The following DOK6 variants were observed in gnomAD, a reference collection of about 807,000 sequenced individuals.
DOK6 encodes docking protein 6, also known as downstream of tyrosine kinase 6.
Under a neutral mutation model 44.0 loss-of-function variants are expected in DOK6, and 22 were observed. That is an observed-to-expected ratio of 0.50 (90% CI 0.36 to 0.71). The LOEUF is 0.71. Among genes scored for constraint, DOK6 ranks in the 30% least tolerant of loss-of-function variants. The pLI, the probability that DOK6 is intolerant of heterozygous loss-of-function variation, is 0.00. For synonymous variants in DOK6, 166 were observed against 145.5 expected, an observed-to-expected ratio of 1.14 and a Z score of -1.01; for missense variants, 340 against 416.4, an observed-to-expected ratio of 0.82 and a Z score of 1.60.
At chr18:69,827,270 A>T (rs372859677) in intron 7 of DOK6, among the ~76,000 whole-genome samples, 14 of 152,086 alleles carry the variant, frequency 9.2e-5, no homozygotes, top group East Asian at 7.7e-4. Context: ...TCCCAATCTC[A>T]TCTGCTACTA....
intron 6 of DOK6, among the ~76,000 whole-genome samples, chr18:69,743,258 G>C (rs1330348121): frequency 6.6e-6 from 1 of 152,192 alleles, no homozygotes; most frequent in Non-Finnish European, 1.5e-5. Flanking sequence ...AACACGATAT[G>C]TTCATCTCTA....
Position 69,791,306 on chromosome 18 carries a change from T to C in DOK6, c.856+33433T>C, listed in dbSNP as rs1390190833. On this transcript the variant is annotated intron_variant, in intron 7 of 7. Transcript: ENST00000382713. ...GCTGGATCATGTGGTAGCTCTACTT[T>C]TGGTTCTTTGAGGAACCTCCAAACT... Among the ~76,000 whole-genome samples, 3 of 152,196 alleles carry C rather than the reference T, an allele frequency of 2.0e-5. No individual in the cohort carries two copies. In the East Asian group the frequency reaches 5.8e-4, roughly 29 times the overall value.
At chr18:69,493,997 C>T (rs890072552) in intron 1 of DOK6, among the ~76,000 whole-genome samples, 1 of 152,306 alleles carries the variant, frequency 6.6e-6, no homozygotes, top group Admixed American at 6.5e-5. Context: ...AGGAGAGTAA[C>T]CTGGGGTCTG....
chr18:69,775,975 A>C (rs1236019762), intron 7 of DOK6, among the ~76,000 whole-genome samples: 1 of 151,986 alleles, frequency 6.6e-6, no homozygotes, highest in Non-Finnish European at 1.5e-5. Flanking sequence ...AAGTTTGTAC[A>C]CACACAAAAA....
intron 1 of DOK6, among the ~76,000 whole-genome samples, chr18:69,426,369 G>C (rs1978635590): frequency 6.6e-6 from 1 of 152,002 alleles, no homozygotes; most frequent in Non-Finnish European, 1.5e-5. Flanking sequence ...GCTAAGATTT[G>C]AATAAAAAAT....
At chr18:69,497,322 A>G (rs1980918937) in intron 1 of DOK6, among the ~76,000 whole-genome samples, 1 of 152,224 alleles carries the variant, frequency 6.6e-6, no homozygotes, top group Non-Finnish European at 1.5e-5. Context: ...AAAGGGTCAG[A>G]CTAGAGAAAG....
chr18:69,517,109 G>A (rs775790169), intron 1 of DOK6, among the ~76,000 whole-genome samples: 2 of 152,130 alleles, frequency 1.3e-5, no homozygotes, highest in Non-Finnish European at 2.9e-5. Flanking sequence ...AGTTCCGTTT[G>A]TGGATATGAA....
intron 5 of DOK6, among the ~76,000 whole-genome samples, chr18:69,707,412 G>A (rs1225511726): frequency 2.6e-5 from 4 of 152,168 alleles, no homozygotes; most frequent in Non-Finnish European, 5.9e-5. Flanking sequence ...AGAGGCAAGA[G>A]CTTTACCGAA....
At chr18:69,803,039 T>C (rs927870445) in intron 7 of DOK6, among the ~76,000 whole-genome samples, 2 of 152,126 alleles carry the variant, frequency 1.3e-5, no homozygotes, top group African/African-American at 4.8e-5. Flanking sequence ...TTAAATGATA[T>C]ATGAAAGATA....
intron 3 of DOK6, among the ~76,000 whole-genome samples, chr18:69,629,696 C>A (rs1984644712): frequency 2.0e-5 from 3 of 152,162 alleles, no homozygotes; most frequent in Non-Finnish European, 2.9e-5. Context: ...ACTGACTCCT[C>A]CCCCATTTCA....
chr18:69,697,658 G>A (rs1986419008), intron 4 of DOK6, among the ~76,000 whole-genome samples: 1 of 151,926 alleles, frequency 6.6e-6, no homozygotes, highest in Non-Finnish European at 1.5e-5. Flanking sequence ...CATCTAAATG[G>A]GAATCAAAGG....
At chr18:69,416,337 T>C (rs1291341599) in intron 1 of DOK6, among the ~76,000 whole-genome samples, 1 of 152,176 alleles carries the variant, frequency 6.6e-6, no homozygotes, top group East Asian at 1.9e-4. Flanking sequence ...CAAGCCACCA[T>C]GGCATAGAAA....
chr18:69,567,034 T>G (rs2144600094), intron 2 of DOK6, among the ~76,000 whole-genome samples: 1 of 152,334 alleles, frequency 6.6e-6, no homozygotes, highest in Non-Finnish European at 1.5e-5. Flanking sequence ...ACAGATTGCC[T>G]CTTTAAAAAT....
intron 3 of DOK6, among the ~76,000 whole-genome samples, chr18:69,650,433 A>G (rs1221439799): frequency 8.5e-5 from 13 of 152,146 alleles, no homozygotes; most frequent in Admixed American, 8.5e-4. Flanking sequence ...ATCACATATG[A>G]GCCATGTCAG....
chr18:69,468,044 G>C (rs1368958754), intron 1 of DOK6, among the ~76,000 whole-genome samples: 1 of 152,006 alleles, frequency 6.6e-6, no homozygotes, highest in Non-Finnish European at 1.5e-5. Context: ...AAATTCCCCT[G>C]TTTCTTACTG....
intron 1 of DOK6, among the ~76,000 whole-genome samples, chr18:69,441,394 A>G (rs1979133445): frequency 6.6e-6 from 1 of 152,148 alleles, no homozygotes; most frequent in Non-Finnish European, 1.5e-5. Flanking sequence ...TACTTTCTGA[A>G]ACATTTTTGC....
chr18:69,491,444 C>T (rs1035974338), intron 1 of DOK6, among the ~76,000 whole-genome samples: 3 of 152,144 alleles, frequency 2.0e-5, no homozygotes, highest in Non-Finnish European at 4.4e-5. Context: ...TTCTTTTATG[C>T]ATCATTGTAT....
At chr18:69,538,060 G>T in intron 1 of DOK6, among the ~76,000 whole-genome samples, 1 of 152,106 alleles carries the variant, frequency 6.6e-6, no homozygotes, top group Non-Finnish European at 1.5e-5. Flanking sequence ...AAAAAATATT[G>T]TAAAGTTACA....
At chr18:69,426,054 T>C (rs748339320) in intron 1 of DOK6, among the ~76,000 whole-genome samples, 1 of 152,176 alleles carries the variant, frequency 6.6e-6, no homozygotes, top group Non-Finnish European at 1.5e-5. Flanking sequence ...TGATGAGAGA[T>C]TATGATCAGG....
Sources: gnomAD v4.1 joint callset for allele counts (sites outside exome capture counted in the v4.1 genomes callset) on GRCh38, gnomAD v4.1.1 for gene constraint, MANE v1.5 for transcripts, NCBI Gene and HGNC (gene_info 2026-07-23, HGNC 2026-07-21) for gene names.